Variants in KATNA1 observed in about 807,000 individuals in gnomAD.
KATNA1 encodes the protein katanin catalytic subunit A1.
Under a neutral mutation model 62.6 loss-of-function variants are expected in KATNA1, and 42 were observed. The observed-to-expected ratio is 0.67, with a 90% CI of 0.52 to 0.87. The LOEUF (loss-of-function observed/expected upper bound fraction) is 0.87, where lower values mean the gene tolerates loss of function less well. Among genes scored for constraint, KATNA1 ranks in the 40% least tolerant of loss-of-function variants. The probability of loss-of-function intolerance (pLI) is 0.00; values close to 1 mark genes in which losing one functional copy is unlikely to be tolerated. For synonymous variants in KATNA1, 186 were observed against 201.9 expected, an observed-to-expected ratio of 0.92 and a Z score of 0.67; for missense variants, 498 against 612.5, an observed-to-expected ratio of 0.81 and a Z score of 1.97.
Position 149,597,070 on chromosome 6 carries a change from C to T in KATNA1, c.1270G>A (p.Val424Met), listed in dbSNP as rs1217245379. The change falls in exon 10 of 11, where the codon GTG becomes ATG. Residue 424 changes from valine (V) to methionine (M), a missense_variant. By Grantham distance (21) the Val-to-Met change is conservative. This residue lies in a region of KATNA1 where 267 missense variants were observed against 372.6 expected (regional missense o/e 0.72). Coordinates refer to ENST00000367411, the MANE Select transcript of KATNA1 (RefSeq NM_007044.4). ...EGYSGADITN[V>M]CRDASLMAMR... ...TTCCATGATAATTCATACCTGCACA[C>T]GTTGGTAATGTCCGCACCTGAATAA... 1.2e-6 allele frequency: 2 copies of T among 1,613,862 alleles called. No individual in the cohort carries two copies. Among genetic ancestry groups the T allele is most frequent in the Admixed American group, 1.7e-5 (1 of 59,934 alleles).
intron 1 of KATNA1, among the ~76,000 whole-genome samples, chr6:149,640,162 G>C (rs1291840267): frequency 6.6e-6 from 1 of 152,178 alleles, no homozygotes; most frequent in Non-Finnish European, 1.5e-5. Context: ...CATACTACTT[G>C]ACAAATAGTA....
intron 4 of KATNA1, among the ~76,000 whole-genome samples, chr6:149,612,046 T>C (rs1778982522): frequency 6.6e-6 from 1 of 152,052 alleles, no homozygotes; most frequent in Non-Finnish European, 1.5e-5. Flanking sequence ...GCTACATACA[T>C]AAATTTGACA....
At chr6:149,617,971 AAAATAAAT>A (rs978909388) in intron 4 of KATNA1, among the ~76,000 whole-genome samples, 6 of 67,600 alleles carry the variant, frequency 8.9e-5, no homozygotes, top group Non-Finnish European at 1.5e-4. Context: ...AATAAATAAT[AAAATAAAT>A]AAATAAATAA....
chr6:149,641,027 C>T (rs536755818), intron 1 of KATNA1, among the ~76,000 whole-genome samples: 5 of 151,968 alleles, frequency 3.3e-5, no homozygotes, highest in East Asian at 3.9e-4. Context: ...TGTGCCAACA[C>T]GCCTGGCTAA....
At chr6:149,597,294 G>A (rs1778362495) in intron 9 of KATNA1, 105 bp from the exon 10 acceptor site, 13 of 1,312,402 alleles carry the variant, frequency 9.9e-6, no homozygotes, top group African/African-American at 1.5e-5. Context: ...GTAAGAATTG[G>A]ATCTCTAAGA....
At chr6:149,598,723 C>T (rs1000882563) in intron 7 of KATNA1, among the ~76,000 whole-genome samples, 4 of 144,494 alleles carry the variant, frequency 2.8e-5, no homozygotes, top group Admixed American at 7.4e-5. Context: ...GAGAACCTGT[C>T]TCTAAAACAA....
intron 5 of KATNA1, among the ~76,000 whole-genome samples, 160 bp from the exon 6 acceptor site, chr6:149,603,533 G>A (rs1190692454): frequency 6.6e-6 from 1 of 152,160 alleles, no homozygotes; most frequent in Non-Finnish European, 1.5e-5. Flanking sequence ...GGCCCACCAT[G>A]TCAACCAGCA....
chr6:149,648,990 G>C (rs1160691328), upstream of KATNA1: 1 of 152,228 alleles, frequency 6.6e-6, no homozygotes, highest in African/African-American at 2.4e-5. Flanking sequence ...TTTTAGAGGT[G>C]AATGTCCAGG....
Position 149,595,049 on chromosome 6 carries a change from A to C in KATNA1, c.1463T>G (p.Phe488Cys). ...IERYEKWIFE[F>C]GSC ...ACATGTGAGAATTTAGCATGATCCAAACTCAAATATCCATTTCTCGTATCT... is the reference window on the plus strand; with the variant it reads ...ACATGTGAGAATTTAGCATGATCCACACTCAAATATCCATTTCTCGTATCT... Residue 488 changes from phenylalanine to cysteine, a missense_variant, in exon 11 of 11, where the codon TTT (phenylalanine) becomes TGT (cysteine). By Grantham distance (205) the Phe-to-Cys change is radical. Coordinates refer to ENST00000367411, the MANE Select transcript of KATNA1 (RefSeq NM_007044.4). 6.2e-7 allele frequency: 1 copy of C among 1,613,760 alleles called. No individual in the cohort carries two copies. The highest frequency in any genetic ancestry group is 8.5e-7 in the Non-Finnish European group (1 of 1,179,798).
intron 4 of KATNA1, among the ~76,000 whole-genome samples, chr6:149,612,130 A>G (rs1217309493): frequency 6.6e-6 from 1 of 152,244 alleles, no homozygotes; most frequent in Non-Finnish European, 1.5e-5. Flanking sequence ...AGATAATCTG[A>G]ACAGTACCAT....
intron 4 of KATNA1, among the ~76,000 whole-genome samples, chr6:149,618,181 G>A (rs1273531496): frequency 6.9e-6 from 1 of 145,144 alleles, no homozygotes; most frequent in Admixed American, 6.9e-5. Flanking sequence ...GAAAAAGAAA[G>A]AAAGAAAAAA....
chr6:149,598,217 C>T lies in KATNA1; in HGVS notation c.1015+7G>A. The T allele has an allele frequency of 1.2e-6, 2 of 1,613,734 alleles. No individual in the cohort carries two copies. Among genetic ancestry groups the T allele is most frequent in the Non-Finnish European group, 8.5e-7 (1 of 1,179,876 alleles). ...GTCCCTGTTCAACTCAAGCTAAACACAGATACCATCCATCTGAACCAGCAG... is the reference window on the plus strand; with the variant it reads ...GTCCCTGTTCAACTCAAGCTAAACATAGATACCATCCATCTGAACCAGCAG... On this transcript the variant is annotated splice_region_variant and intron_variant, in intron 8 of 10. Transcript: ENST00000367411.
intron 3 of KATNA1, among the ~76,000 whole-genome samples, chr6:149,629,867 A>C (rs1208599188): frequency 1.3e-5 from 2 of 152,186 alleles, no homozygotes; most frequent in African/African-American, 4.8e-5. Flanking sequence ...ATGAAGAGCA[A>C]ATTACTTAAC....
intron 1 of KATNA1, among the ~76,000 whole-genome samples, chr6:149,641,590 C>A (rs1780293521): frequency 6.6e-6 from 1 of 152,134 alleles, no homozygotes; most frequent in Non-Finnish European, 1.5e-5. Flanking sequence ...TGGCTGAAAT[C>A]ATCTCAACTG....
At chr6:149,611,116 A>C (rs1778937220) in intron 4 of KATNA1, among the ~76,000 whole-genome samples, 1 of 152,156 alleles carries the variant, frequency 6.6e-6, no homozygotes, top group Non-Finnish European at 1.5e-5. Context: ...TAATCATTTA[A>C]GCTTTTACCT....
At chr6:149,622,025 T>C (rs1406232537) in intron 4 of KATNA1, among the ~76,000 whole-genome samples, 1 of 152,146 alleles carries the variant, frequency 6.6e-6, no homozygotes, top group Non-Finnish European at 1.5e-5. Context: ...GAAATCTCTA[T>C]ATGACATTAT....
chr6:149,648,950 A>G (rs1179661277), upstream of KATNA1: 1 of 152,160 alleles, frequency 6.6e-6, no homozygotes, highest in Admixed American at 6.6e-5. Flanking sequence ...TTTTCACCAC[A>G]CTCACACACA....
chr6:149,644,674 T>C (rs1582816960), intron 1 of KATNA1, among the ~76,000 whole-genome samples: 1 of 152,092 alleles, frequency 6.6e-6, no homozygotes, highest in Admixed American at 6.6e-5. Flanking sequence ...TTGTTACTTA[T>C]ATATAGGTGG....
chr6:149,629,239 T>C (rs1779743061), intron 3 of KATNA1, among the ~76,000 whole-genome samples: 1 of 152,172 alleles, frequency 6.6e-6, no homozygotes, highest in African/African-American at 2.4e-5. Flanking sequence ...AGAGGCTGAA[T>C]GTTTGTGTCC....
Sources: gnomAD v4.1 joint callset for allele counts (sites outside exome capture counted in the v4.1 genomes callset) on GRCh38, gnomAD v4.1.1 for gene constraint, gnomAD v4.1.1 regional missense constraint, MANE v1.5 for transcripts, NCBI Gene and HGNC (gene_info 2026-07-23, HGNC 2026-07-21) for gene names.